The following ZFP82 variants were observed in gnomAD, a reference collection of about 807,000 sequenced individuals.
ZFP82 encodes zinc finger protein 82 homolog.
A neutral mutation model predicts 54.0 loss-of-function variants in ZFP82; 30 were observed. The observed-to-expected ratio is 0.56, with a 90% CI of 0.42 to 0.75. The LOEUF is 0.75. Ranked by LOEUF, ZFP82 falls within the 30% of genes least tolerant of loss-of-function variation. ZFP82 has a pLI of 0.00. For missense variants in ZFP82, 500 were observed against 636.8 expected (o/e 0.79, Z 2.31); for synonymous variants, 194 against 209.5 (o/e 0.93, Z 0.64).
Position 36,393,791 on chromosome 19 carries a change from T to C in ZFP82, c.549A>G (p.Gln183=), listed in dbSNP as rs1389080850. 7 of 1,613,742 alleles carry C rather than the reference T, an allele frequency of 4.3e-6. No individual in the cohort carries two copies. The highest frequency in any genetic ancestry group is 5.9e-6 in the Non-Finnish European group (7 of 1,179,966). ...GAATTCTGTGATGAAAAGTAAGCTG[T>C]TGGCGCACTCTGAACGCCTTCCCAC... is the stretch of plus-strand genomic sequence containing the variant. ...KECGKAFRVR[Q]QLTFHHRIHT... The change falls in exon 5 of 5, where the codon CAA becomes CAG. Residue 183 remains glutamine (Q), a synonymous_variant. Coordinates refer to ENST00000392161, the MANE Select transcript of ZFP82 (RefSeq NM_133466.4).
rs756352562 is a variant in ZFP82, at chr19:36,393,579, T to C, written c.761A>G (p.Tyr254Cys). Residue 254 changes from tyrosine (Y) to cysteine (C), a missense_variant, in exon 5 of 5, where the codon TAT (tyrosine) becomes TGT (cysteine). By Grantham distance (194) the Tyr-to-Cys change is radical (BLOSUM62 -2). Coordinates refer to ENST00000392161, the MANE Select transcript of ZFP82 (RefSeq NM_133466.4). ...AGCCTTCCCACATTCTTTACATTCA[T>C]AGGGCTTCTCACCAATATGCATTTT... ...HQKMHIGEKP[Y>C]ECKECGKAFR... 6.2e-5 allele frequency: 100 copies of C among 1,614,030 alleles called. No homozygotes were observed. The highest frequency in any genetic ancestry group is 8.8e-5 in the South Asian group (8 of 91,084).
At chr19:36,408,491 T>C (rs1434446815) in intron 2 of ZFP82, among the ~76,000 whole-genome samples, 1 of 152,144 alleles carries the variant, frequency 6.6e-6, no homozygotes, top group Non-Finnish European at 1.5e-5. Context: ...AAGCAGATCA[T>C]ATCATAAGCA....
chr19:36,394,594 T>A (rs1210693749), intron 4 of ZFP82: 6 of 161,890 alleles, frequency 3.7e-5, no homozygotes, highest in African/African-American at 9.6e-5. Context: ...CTCAAACCAG[T>A]GTCCCCTTTA....
rs2032547215 is a variant in ZFP82 at position 36,409,838 on chromosome 19, A to T, written c.-49T>A. 1 of 1,610,818 alleles carries T rather than the reference A, an allele frequency of 6.2e-7. No individual in the cohort carries two copies. The highest frequency in any genetic ancestry group is 1.3e-5 in the African/African-American group (1 of 74,822). On this transcript the variant is annotated 5_prime_UTR_variant, in exon 2 of 5. Transcript: ENST00000392161. The stretch of plus-strand genomic sequence containing the variant: ...CAGTCCTCCTTGGGGTTTACTTGCC[A>T]GGAGAAGCACCGAGTCCACAGAGGC...
chr19:36,394,243 A>G, intron 4 of ZFP82, 133 bp from the exon 5 acceptor site: 2 of 859,828 alleles, frequency 2.3e-6, no homozygotes, highest in Non-Finnish European at 3.5e-6. Flanking sequence ...CAATTTGGAA[A>G]GAAAAAAAAA....
chr19:36,409,607 T>C (rs2032541870), intron 2 of ZFP82, among the ~76,000 whole-genome samples, 174 bp downstream of exon 2: 1 of 151,490 alleles, frequency 6.6e-6, no homozygotes, highest in Admixed American at 6.7e-5. Context: ...ATAAGAACAA[T>C]GACTAGAATA....
chr19:36,398,292 A>C (rs893017902), intron 4 of ZFP82, among the ~76,000 whole-genome samples: 4 of 152,214 alleles, frequency 2.6e-5, no homozygotes, highest in Admixed American at 2.6e-4. Flanking sequence ...TAATCCCAAC[A>C]CTTTGGGAGG....
At chr19:36,395,551 C>G (rs1324397323) in intron 4 of ZFP82, 1 of 152,146 alleles carries the variant, frequency 6.6e-6, no homozygotes, top group East Asian at 1.9e-4. Flanking sequence ...GAAGGACTTG[C>G]TAACAGAAGT....
chr19:36,416,795 G>C (rs942693602), intron 1 of ZFP82, among the ~76,000 whole-genome samples: 1 of 150,080 alleles, frequency 6.7e-6, no homozygotes, highest in Admixed American at 6.7e-5. Flanking sequence ...GTTCTAGGCT[G>C]GGGGCGGTGG....
At chr19:36,403,342 G>T (rs1239863801) in intron 4 of ZFP82, among the ~76,000 whole-genome samples, 2 of 86,302 alleles carry the variant, frequency 2.3e-5, no homozygotes, top group South Asian at 7.1e-4. Flanking sequence ...AAAAAAAAAA[G>T]GCCAGGCGCG....
At chr19:36,415,182 G>C (rs2032648819) in intron 1 of ZFP82, among the ~76,000 whole-genome samples, 2 of 152,132 alleles carry the variant, frequency 1.3e-5, no homozygotes, top group Non-Finnish European at 2.9e-5. Context: ...ATCAATTGTT[G>C]TGATTCTATT....
At position 36,418,639 on chromosome 19, in the gene ZFP82, G is replaced by C. The variant is rs995586933; in HGVS notation, c.-226C>G. ...CTGCCGGGTCACGCCACAATCCCCGGGGCCTAACGGGCTGCGCGCGGAGGC... is the reference window on the plus strand; with the variant it reads ...CTGCCGGGTCACGCCACAATCCCCGCGGCCTAACGGGCTGCGCGCGGAGGC... On this transcript the variant is annotated 5_prime_UTR_variant, in exon 1 of 5. Coordinates refer to ENST00000392161, the MANE Select transcript of ZFP82 (RefSeq NM_133466.4). The C allele has an allele frequency of 2.6e-5, 4 of 152,338 alleles. No homozygotes were observed. Among genetic ancestry groups the C allele is most frequent in the Non-Finnish European group, 5.9e-5 (4 of 68,130 alleles). 9.4% of individuals were successfully genotyped at this position (152,338 alleles called of 1,614,324 possible). A position where few individuals can be genotyped will look rare whatever the true frequency, so the allele number is the denominator to read the frequency against.
intron 4 of ZFP82, among the ~76,000 whole-genome samples, 183 bp downstream of exon 4, chr19:36,405,397 C>T: frequency 6.6e-6 from 1 of 152,108 alleles, no homozygotes; most frequent in East Asian, 1.9e-4. Flanking sequence ...CCTTAATTTG[C>T]TCCCCATGTC....
At chr19:36,401,664 A>G (rs971614231) in intron 4 of ZFP82, among the ~76,000 whole-genome samples, 2 of 152,178 alleles carry the variant, frequency 1.3e-5, no homozygotes, top group Non-Finnish European at 2.9e-5. Context: ...TCAACCGGAG[A>G]AATAATTTTA....
downstream of ZFP82, among the ~76,000 whole-genome samples, chr19:36,384,791 T>C (rs1295600544): frequency 6.6e-6 from 1 of 152,212 alleles, no homozygotes; most frequent in Non-Finnish European, 1.5e-5. Context: ...AATAGTCTTC[T>C]TCATGTTACA....
chr19:36,388,046 C>A (rs2032135108), downstream of ZFP82, among the ~76,000 whole-genome samples: 1 of 152,092 alleles, frequency 6.6e-6, no homozygotes, highest in South Asian at 2.1e-4. Flanking sequence ...GAATAGAAAC[C>A]ATCTAAAAGA....
At chr19:36,413,220 C>T (rs1370582618) in intron 1 of ZFP82, among the ~76,000 whole-genome samples, 1 of 152,084 alleles carries the variant, frequency 6.6e-6, no homozygotes, top group Non-Finnish European at 1.5e-5. Context: ...AGACTAGCCT[C>T]GCCAACATGA....
chr19:36,392,937 T>C lies in ZFP82; in HGVS notation c.1403A>G (p.His468Arg), dbSNP rs1188062333. 2.5e-6 allele frequency: 4 copies of C among 1,613,940 alleles called. No individual in the cohort carries two copies. Among genetic ancestry groups the C allele is most frequent in the Non-Finnish European group, 3.4e-6 (4 of 1,179,964 alleles). The stretch of plus-strand genomic sequence containing the variant: ...TTTTTCGCCAGTATGAATGCTCTGA[T>C]GTAGAGTAAGTTTTTGGCGCAATCT... ...AFRLRQKLTL[H>R]QSIHTGEKPF... The change falls in exon 5 of 5, where the codon CAT becomes CGT. Residue 468 changes from histidine (H) to arginine (R), a missense_variant. His to Arg is a conservative substitution (Grantham distance 29, BLOSUM62 0). Transcript: ENST00000392161.
At chr19:36,387,289 G>A (rs1323353656), downstream of ZFP82, among the ~76,000 whole-genome samples, 1 of 152,168 alleles carries the variant, frequency 6.6e-6, no homozygotes, top group Non-Finnish European at 1.5e-5. Context: ...TAGTTTGAAT[G>A]TGTCCCCCAA....
Sources: allele counts gnomAD v4.1 joint callset (sites outside exome capture counted in the v4.1 genomes callset), GRCh38; gene constraint gnomAD v4.1.1; transcripts MANE v1.5; gene names NCBI Gene and HGNC (gene_info 2026-07-23, HGNC 2026-07-21).